Variants in DCLK1 observed in about 807,000 individuals in gnomAD.
DCLK1 encodes serine/threonine-protein kinase DCLK1.
DCLK1 carries 16 observed loss-of-function variants against 86.2 expected under a neutral mutation model. The observed-to-expected ratio is 0.19, with a 90% CI of 0.13 to 0.28. DCLK1 has a LOEUF of 0.28. DCLK1 is among the 10% of genes least tolerant of loss of function. The pLI, the probability that DCLK1 is intolerant of heterozygous loss-of-function variation, is 1.00. For synonymous variants in DCLK1, 369 were observed against 370.5 expected (o/e 1.00, Z 0.05); for missense variants, 590 against 940.2 (o/e 0.63, Z 4.87).
chr13:36,104,372 T>C (rs1302381673), intron 3 of DCLK1, among the ~76,000 whole-genome samples: 7 of 152,284 alleles, frequency 4.6e-5, no homozygotes, highest in African/African-American at 1.4e-4. Context: ...CCTCATCCTA[T>C]AAAATCGAAA....
At chr13:35,920,569 G>A (rs1875738230) in intron 4 of DCLK1, among the ~76,000 whole-genome samples, 1 of 152,140 alleles carries the variant, frequency 6.6e-6, no homozygotes, top group Non-Finnish European at 1.5e-5. Context: ...GGTTGTGGAG[G>A]AAACCAATGA....
intron 3 of DCLK1, among the ~76,000 whole-genome samples, chr13:36,104,640 G>A (rs999803661): frequency 1.2e-4 from 18 of 151,744 alleles, no homozygotes; most frequent in Admixed American, 2.0e-4. Context: ...CGAGTCCAAT[G>A]CCAGGCACAG....
chr13:35,961,900 T>G (rs538385006), intron 3 of DCLK1, among the ~76,000 whole-genome samples: 1 of 152,332 alleles, frequency 6.6e-6, no homozygotes, highest in South Asian at 2.1e-4. Context: ...ATAAATAAGG[T>G]TAAAATCGTC....
At chr13:35,862,680 A>G (rs979216293) in intron 5 of DCLK1, among the ~76,000 whole-genome samples, 1 of 152,172 alleles carries the variant, frequency 6.6e-6, no homozygotes, top group Non-Finnish European at 1.5e-5. Flanking sequence ...TTAGAATTCT[A>G]TCCTGCATTT....
At chr13:35,857,601 G>A (rs1270636217) in intron 5 of DCLK1, among the ~76,000 whole-genome samples, 1 of 152,200 alleles carries the variant, frequency 6.6e-6, no homozygotes, top group Admixed American at 6.5e-5. Context: ...CATCTCCTTT[G>A]CTGTGTGTCT....
rs376626088 is a variant in DCLK1, at chr13:36,078,891, C to T, written c.723+32978G>A. Among the ~76,000 whole-genome samples, 303 of 152,218 alleles carry T rather than the reference C, an allele frequency of 2.0e-3. 1 individual carries two copies. Among genetic ancestry groups the T allele is most frequent in the Middle Eastern group, 6.8e-3 (2 of 294 alleles). Reference sequence around the variant, plus strand: ...TTTTACTAGGCTTTGGAAGGCAACTCCCCCTCTAAAATGTGACTCGCTGCA... The same window carrying T: ...TTTTACTAGGCTTTGGAAGGCAACTTCCCCTCTAAAATGTGACTCGCTGCA... On this transcript the variant is annotated intron_variant, in intron 3 of 16. Transcript: ENST00000360631.
chr13:36,105,369 C>T (rs1170220903), intron 3 of DCLK1, among the ~76,000 whole-genome samples: 1 of 152,130 alleles, frequency 6.6e-6, no homozygotes, highest in Non-Finnish European at 1.5e-5. Flanking sequence ...CAACTACCAA[C>T]AATTGGGTAC....
chr13:36,079,601 C>T (rs564435417), intron 3 of DCLK1, among the ~76,000 whole-genome samples: 4 of 152,150 alleles, frequency 2.6e-5, no homozygotes, highest in Non-Finnish European at 4.4e-5. Context: ...CATTGCACTC[C>T]AGCCTGGGGG....
At chr13:35,894,335 G>A (rs1412529042) in intron 4 of DCLK1, among the ~76,000 whole-genome samples, 2 of 152,194 alleles carry the variant, frequency 1.3e-5, no homozygotes, top group Non-Finnish European at 2.9e-5. Flanking sequence ...GGGGCACACA[G>A]CTACACGGCA....
chr13:35,828,082 A>G (rs955779256), intron 9 of DCLK1, among the ~76,000 whole-genome samples, 168 bp downstream of exon 9: 2 of 152,220 alleles, frequency 1.3e-5, no homozygotes, highest in East Asian at 3.8e-4. Context: ...ATTCCAAATA[A>G]CTTTTATCCC....
intron 3 of DCLK1, among the ~76,000 whole-genome samples, chr13:35,977,996 C>G (rs1879433358): frequency 6.6e-6 from 1 of 151,948 alleles, no homozygotes; most frequent in South Asian, 2.1e-4. Context: ...TCTTTACAGA[C>G]TGGGTAGATA....
intron 4 of DCLK1, among the ~76,000 whole-genome samples, chr13:35,928,727 AG>A (rs1876262656): frequency 6.6e-6 from 1 of 152,302 alleles, no homozygotes; most frequent in Non-Finnish European, 1.5e-5. Flanking sequence ...ACTCACTATT[AG>A]TTGAATCTTG....
At chr13:35,945,083 A>T (rs1877294946) in intron 4 of DCLK1, among the ~76,000 whole-genome samples, 3 of 152,020 alleles carry the variant, frequency 2.0e-5, no homozygotes, top group Non-Finnish European at 4.4e-5. Flanking sequence ...TATTTTTAGT[A>T]GAGACGGGGT....
intron 5 of DCLK1, among the ~76,000 whole-genome samples, chr13:35,857,073 A>G (rs1871104329): frequency 6.6e-6 from 1 of 152,168 alleles, no homozygotes; most frequent in Admixed American, 6.5e-5. Context: ...TGAGAGGGGA[A>G]GTGAGGCAGG....
chr13:35,869,328 T>C (rs1872095594), intron 5 of DCLK1, among the ~76,000 whole-genome samples: 1 of 152,192 alleles, frequency 6.6e-6, no homozygotes, highest in South Asian at 2.1e-4. Context: ...GGGATCATCT[T>C]CAGAAAGAAA....
chr13:35,993,254 G>A (rs775643076), intron 3 of DCLK1, among the ~76,000 whole-genome samples: 7 of 152,058 alleles, frequency 4.6e-5, no homozygotes, highest in Non-Finnish European at 8.8e-5. Context: ...CCCTGCCTTC[G>A]ATCAATCACC....
chr13:35,976,693 G>C (rs1593785679), intron 3 of DCLK1, among the ~76,000 whole-genome samples: 2 of 151,416 alleles, frequency 1.3e-5, no homozygotes, highest in African/African-American at 4.9e-5. Context: ...ACTGCGCCCG[G>C]CTAATTTTTT....
intron 3 of DCLK1, among the ~76,000 whole-genome samples, chr13:36,007,785 A>C (rs1881049131): frequency 6.6e-6 from 1 of 152,198 alleles, no homozygotes; most frequent in Non-Finnish European, 1.5e-5. Flanking sequence ...CAAATAACTA[A>C]CGAAACTGAT....
intron 16 of DCLK1, among the ~76,000 whole-genome samples, chr13:35,787,254 GA>G (rs1316857366): frequency 1.3e-5 from 2 of 149,070 alleles, no homozygotes; most frequent in African/African-American, 5.0e-5. Context: ...CCACAGTTTG[GA>G]AAAAACAAAT....
Sources: gnomAD v4.1 joint callset for allele counts (sites outside exome capture counted in the v4.1 genomes callset) on GRCh38, gnomAD v4.1.1 for gene constraint, MANE v1.5 for transcripts, NCBI Gene and HGNC (gene_info 2026-07-23, HGNC 2026-07-21) for gene names.